Variants in ERCC5 observed in about 807,000 individuals in gnomAD.
ERCC5 encodes ERCC excision repair 5, endonuclease.
A neutral mutation model predicts 105.6 loss-of-function variants in ERCC5; 68 were observed. The observed-to-expected ratio is 0.64, with a 90% confidence interval of 0.53 to 0.79. ERCC5 has a LOEUF of 0.79. ERCC5 is among the 30% of genes least tolerant of loss of function. The probability of loss-of-function intolerance (pLI) is 0.00; values close to 1 mark genes in which losing one functional copy is unlikely to be tolerated. For synonymous variants in ERCC5, 546 were observed against 526.2 expected, an observed-to-expected ratio of 1.04 and a Z score of -0.51; for missense variants, 1,373 against 1,426.7, an observed-to-expected ratio of 0.96 and a Z score of 0.61.
rs1025433840 is a variant in ERCC5 at position 102,865,405 on chromosome 13, C to T, written c.1955-262C>T. The T allele has an allele frequency of 4.5e-5, 19 of 424,026 alleles. No homozygotes were observed. Among genetic ancestry groups the T allele is most frequent in the South Asian group, 1.5e-4 (7 of 45,630 alleles). The allele number at this position is 424,026 out of a possible 1,614,324, so 26.3% of individuals were successfully genotyped here. A position where few individuals can be genotyped will look rare whatever the true frequency, so the allele number is the denominator to read the frequency against. ...TAACTTAGAACATATTTATATAAAG[C>T]GAATATACAAATCTTAAGAGAGTTT... On this transcript the variant is annotated intron_variant, in intron 8 of 14. Transcript: ENST00000652225. The surrounding 1 kb of genome is among the most constrained non-coding windows in gnomAD (Gnocchi z 4.0).
Position 102,846,097 on chromosome 13 carries a change from C to A in ERCC5, c.-170C>A, listed in dbSNP as rs981981484. The A allele has an allele frequency of 3.3e-6, 2 of 606,976 alleles. No individual in the cohort carries two copies. Among genetic ancestry groups the A allele is most frequent in the Non-Finnish European group, 5.9e-6 (2 of 339,712 alleles). 37.6% of individuals were successfully genotyped at this position (606,976 alleles called of 1,614,324 possible). ...CAGAGTCTCTCCGCTTTAATGCGCT[C>A]CCATTAGTGCCGTCCCCCACTGGAA... On this transcript the variant is annotated 5_prime_UTR_variant, in exon 1 of 15. Coordinates refer to ENST00000652225, the MANE Select transcript of ERCC5 (RefSeq NM_000123.4).
intron 12 of ERCC5, among the ~76,000 whole-genome samples, chr13:102,868,700 A>T (rs185799924): frequency 6.6e-6 from 1 of 152,378 alleles, no homozygotes; most frequent in East Asian, 1.9e-4. Context: ...GAGGTCAGCC[A>T]GGAAGCGACT....
chr13:102,846,174 G>T lies in ERCC5; in HGVS notation c.-93G>T. 1 of 1,020,374 alleles carries T rather than the reference G, an allele frequency of 9.8e-7. No homozygotes were observed. The highest frequency in any genetic ancestry group is 1.5e-6 in the Non-Finnish European group (1 of 666,666). The allele number at this position is 1,020,374 out of a possible 1,614,324, so 63.2% of individuals were successfully genotyped here. On this transcript the variant is annotated 5_prime_UTR_variant, in exon 1 of 15. Transcript: ENST00000652225. Reference sequence around the variant, plus strand: ...TCTTTGTTGTGTAGGAGCAGGGAGGGCTTCCTCCCGGGGTCCTAGGCGGCG... The same window carrying T: ...TCTTTGTTGTGTAGGAGCAGGGAGGTCTTCCTCCCGGGGTCCTAGGCGGCG...
chr13:102,875,615 C>G lies in ERCC5; in HGVS notation c.3273C>G (p.Thr1091=). The change falls in exon 15 of 15, where the codon ACC becomes ACG. Residue 1091 remains threonine, a synonymous_variant. Coordinates refer to ENST00000652225, the MANE Select transcript of ERCC5 (RefSeq NM_000123.4). ...KNTCGGFLGE[T]CLSESSDGSS... ...CATGCGGTGGATTTTTGGGGGAGAC[C>G]TGCCTCTCAGAATCATCTGATGGAT... 6.2e-7 allele frequency: 1 copy of G among 1,613,668 alleles called. No homozygotes were observed. Among genetic ancestry groups the G allele is most frequent in the Non-Finnish European group, 8.5e-7 (1 of 1,179,806 alleles).
chr13:102,863,037 G>A lies in ERCC5; in HGVS notation c.1888G>A (p.Asp630Asn). Reference sequence around the variant, plus strand: ...GCAGACCACTGAATCTGCAGGCCAGGATTTAATTTCCATTCCAAAGGCCGT... The same window carrying A: ...GCAGACCACTGAATCTGCAGGCCAGAATTTAATTTCCATTCCAAAGGCCGT... ...EQQTTESAGQ[D>N]LISIPKAVEP... The change falls in exon 8 of 15, where the codon GAT becomes AAT. Residue 630 changes from aspartate to asparagine, a missense_variant. Physicochemically the swap from Asp to Asn is conservative, Grantham distance 23. Transcript: ENST00000652225. 6.2e-7 allele frequency: 1 copy of A among 1,614,130 alleles called. No homozygotes were observed. The highest frequency in any genetic ancestry group is 8.5e-7 in the Non-Finnish European group (1 of 1,180,030).
chr13:102,867,382 A>C (rs980250997), intron 11 of ERCC5, among the ~76,000 whole-genome samples: 2 of 152,234 alleles, frequency 1.3e-5, no homozygotes, highest in Non-Finnish European at 2.9e-5. Context: ...TCGAGAGTGC[A>C]GGTGCTGTTT....
chr13:102,854,778 G>C (rs4150275), intron 4 of ERCC5, among the ~76,000 whole-genome samples: 2 of 152,128 alleles, frequency 1.3e-5, no homozygotes, highest in African/African-American at 4.8e-5. Context: ...CGCTTTGCAC[G>C]TCTTAGTGTG....
Position 102,875,636 on chromosome 13 carries a change from T to C in ERCC5, c.3294T>C (p.Asp1098=), listed in dbSNP as rs1215412333. ...LGETCLSESS[D]GSSSEDAESS... is the part of the protein sequence containing the mutation. The stretch of plus-strand genomic sequence containing the variant: ...AGACCTGCCTCTCAGAATCATCTGA[T>C]GGATCTTCAAGTGAAGATGCTGAAA... The change falls in exon 15 of 15, where the codon GAT becomes GAC. Residue 1098 remains aspartate (D), a synonymous_variant. Transcript: ENST00000652225. 6.2e-7 allele frequency: 1 copy of C among 1,614,016 alleles called. No individual in the cohort carries two copies. The highest frequency in any genetic ancestry group is 1.3e-5 in the African/African-American group (1 of 74,938).
At chr13:102,849,334 T>G (rs545200314) in intron 1 of ERCC5, 109 of 519,046 alleles carry the variant, frequency 2.1e-4, no homozygotes, top group South Asian at 1.5e-3. Context: ...AATCATGTTC[T>G]AGAAACTTCC....
In ERCC5 at chr13:102,865,067, T is replaced by G; in HGVS notation, c.1955-600T>G. 6.3e-6 allele frequency: 1 copy of G among 158,704 alleles called. No individual in the cohort carries two copies. Among genetic ancestry groups the G allele is most frequent in the Admixed American group, 6.1e-5 (1 of 16,328 alleles). The allele number at this position is 158,704 out of a possible 1,614,324, so 9.8% of individuals were successfully genotyped here. A position where few individuals can be genotyped will look rare whatever the true frequency, so the allele number is the denominator to read the frequency against. On this transcript the variant is annotated intron_variant, in intron 8 of 14. Transcript: ENST00000652225. The surrounding 1 kb of genome is among the most constrained non-coding windows in gnomAD (Gnocchi z 4.0). Reference sequence around the variant, plus strand: ...TGCTCTCTTCTTTGCTTCAGCTGTGTCCTTGGTGCCAGCTCCCAGTCCCTG... The same window carrying G: ...TGCTCTCTTCTTTGCTTCAGCTGTGGCCTTGGTGCCAGCTCCCAGTCCCTG...
chr13:102,860,564 A>G (rs2140525251), intron 6 of ERCC5, among the ~76,000 whole-genome samples: 1 of 152,338 alleles, frequency 6.6e-6, no homozygotes, highest in South Asian at 2.1e-4. Context: ...CTACTATGTT[A>G]ATAGAATCAA....
intron 10 of ERCC5, 65 bp from the exon 11 acceptor site, chr13:102,866,567 C>T (rs1011812890): frequency 7.5e-6 from 12 of 1,602,550 alleles, no homozygotes; most frequent in Admixed American, 6.7e-5. Flanking sequence ...AGGCACTGCT[C>T]CCCCTGTGCT....
intron 12 of ERCC5, among the ~76,000 whole-genome samples, chr13:102,871,179 G>A (rs1595389412): frequency 6.6e-6 from 1 of 152,202 alleles, no homozygotes; most frequent in Admixed American, 6.5e-5. Context: ...CACTTGGTGA[G>A]CTTGGCTTCC....
At chr13:102,872,146 T>G (rs981392627) in intron 12 of ERCC5, 52 bp from the exon 13 acceptor site, 2 of 1,588,408 alleles carry the variant, frequency 1.3e-6, no homozygotes, top group Non-Finnish European at 1.7e-6. Flanking sequence ...CCATAGTGTA[T>G]GAACTATAAT....
intron 4 of ERCC5, among the ~76,000 whole-genome samples, chr13:102,855,850 C>T (rs968063167): frequency 6.6e-6 from 1 of 152,128 alleles, no homozygotes; most frequent in Non-Finnish European, 1.5e-5. Context: ...CCTGCCCTTC[C>T]CTTGTGGTGG....
rs1287626395 is a variant in ERCC5 at position 102,862,708 on chromosome 13, G to C, written c.1559G>C (p.Arg520Thr). ...HSDAPGLPNGRELTPASPTCT... is the reference protein window; with the variant it reads ...HSDAPGLPNGTELTPASPTCT... The stretch of plus-strand genomic sequence containing the variant: ...GACGCACCTGGGCTCCCGAATGGAA[G>C]GGAACTGACACCGGCATCTCCAACT... Residue 520 changes from arginine to threonine, a missense_variant, in exon 8 of 15, where the codon AGG becomes ACG. This residue lies in a region of ERCC5 where 1,004 missense variants were observed against 1,059.7 expected (regional missense o/e 0.95). Transcript: ENST00000652225. The C allele has an allele frequency of 1.9e-6, 3 of 1,614,198 alleles. No individual in the cohort carries two copies. The East Asian group carries it at 6.7e-5, about 36-fold the overall frequency.
intron 12 of ERCC5, among the ~76,000 whole-genome samples, chr13:102,869,422 A>C (rs1390006747): frequency 8.7e-6 from 1 of 115,094 alleles, no homozygotes; most frequent in Non-Finnish European, 1.8e-5. Flanking sequence ...AGATGATTAC[A>C]GTTTACAATT....
chr13:102,864,317 T>G (rs754863626), intron 8 of ERCC5, among the ~76,000 whole-genome samples: 1 of 152,376 alleles, frequency 6.6e-6, no homozygotes, highest in Non-Finnish European at 1.5e-5. Flanking sequence ...CATCCATTGA[T>G]GTTTACCTGA....
Position 102,863,077 on chromosome 13 carries a change from T to C in ERCC5, c.1928T>C (p.Ile643Thr). 1.2e-6 allele frequency: 2 copies of C among 1,613,998 alleles called. No homozygotes were observed. Among genetic ancestry groups the C allele is most frequent in the South Asian group, 2.2e-5 (2 of 91,078 alleles). Residue 643 changes from isoleucine to threonine, a missense_variant, in exon 8 of 15, where the codon ATT becomes ACT. By Grantham distance (89) the Ile-to-Thr change is moderately conservative (BLOSUM62 -1). Around this residue, in one of 3 missense-constraint regions of ERCC5, gnomAD observed 1,004 missense variants for 1,059.7 expected, o/e 0.95. Transcript: ENST00000652225. Reference protein sequence around the residue: ...SIPKAVEPMEIDSEESESDGS... With the variant: ...SIPKAVEPMETDSEESESDGS... ...CCAAAGGCCGTGGAACCAATGGAAA[T>C]TGACTCGGAAGAAAGTGAATCTGAT...
Sources: gnomAD v4.1 joint callset for allele counts (sites outside exome capture counted in the v4.1 genomes callset) on GRCh38, gnomAD v4.1.1 for gene constraint, gnomAD v4.1.1 regional missense constraint, Gnocchi (gnomAD v3.1) non-coding constraint, MANE v1.5 for transcripts, NCBI Gene and HGNC (gene_info 2026-07-23, HGNC 2026-07-21) for gene names.